The following GOPC variants were observed in gnomAD, a reference collection of about 807,000 sequenced individuals.
GOPC encodes golgi associated PDZ and coiled-coil motif containing, also known as Golgi-associated PDZ and coiled-coil motif-containing protein.
Under a neutral mutation model 51.2 loss-of-function variants are expected in GOPC, and 32 were observed. The ratio of observed to expected loss-of-function variants is 0.63; its 90% CI spans 0.47 to 0.84. The LOEUF (loss-of-function observed/expected upper bound fraction) is 0.84. Among genes scored for constraint, GOPC ranks in the 40% least tolerant of loss-of-function variants. The pLI is 0.00. For missense variants in GOPC, 441 were observed against 555.5 expected (o/e 0.79, Z 2.07); for synonymous variants, 190 against 205.1 (o/e 0.93, Z 0.63).
At chr6:117,581,784 G>C (rs1415741889) in intron 1 of GOPC, among the ~76,000 whole-genome samples, 1 of 152,044 alleles carries the variant, frequency 6.6e-6, no homozygotes, top group Admixed American at 6.6e-5. Flanking sequence ...ATGGGCATTT[G>C]TGTTGTTTTG....
In GOPC at chr6:117,569,653, A is replaced by G. The variant is rs1338756794; in HGVS notation, c.996T>C (p.Val332=). 3 of 1,612,770 alleles carry G rather than the reference A, an allele frequency of 1.9e-6. No individual in the cohort carries two copies. The highest frequency in any genetic ancestry group is 2.5e-6 in the Non-Finnish European group (3 of 1,179,624). The part of the protein sequence containing the change: ...QPADRCGGLH[V]GDAILAVNGV... The stretch of plus-strand genomic sequence containing the variant: ...CGTTGACTGCCAAAATAGCATCCCC[A>G]ACGTGCAGCCCTCCGCATCTATCAG... The change falls in exon 7 of 9, where the codon GTT becomes GTC. Residue 332 remains valine, a synonymous_variant. Coordinates refer to ENST00000368498, the MANE Select transcript of GOPC (RefSeq NM_020399.4).
intron 6 of GOPC, among the ~76,000 whole-genome samples, 184 bp downstream of exon 6, chr6:117,570,676 T>C (rs190440290): frequency 1.6e-4 from 24 of 152,122 alleles, no homozygotes; most frequent in Non-Finnish European, 2.1e-4. Context: ...CACTTAATAG[T>C]TGCTAGGAAT....
intron 1 of GOPC, among the ~76,000 whole-genome samples, chr6:117,581,173 C>A (rs1020612938): frequency 6.6e-6 from 1 of 152,018 alleles, no homozygotes; most frequent in South Asian, 2.1e-4. Flanking sequence ...ACTAGGAGCA[C>A]AGAGATGTGA....
rs1779573223 is a variant in GOPC at position 117,560,961 on chromosome 6, C to T, written c.*2293G>A. The stretch of plus-strand genomic sequence containing the variant: ...AAAATATTAAAATTGGTTCTCAGTC[C>T]TTTGGAACTAATAACTAATTCTTAG... On this transcript the variant is annotated 3_prime_UTR_variant, in exon 9 of 9. Coordinates refer to ENST00000368498, the MANE Select transcript of GOPC (RefSeq NM_020399.4). 1 of 212,286 alleles carries T rather than the reference C, an allele frequency of 4.7e-6. No homozygotes were observed. The allele number at this position is 212,286 out of a possible 1,614,324, so 13.2% of individuals were successfully genotyped here.
At chr6:117,590,107 A>G (rs538666590) in intron 1 of GOPC, among the ~76,000 whole-genome samples, 4 of 152,348 alleles carry the variant, frequency 2.6e-5, no homozygotes, top group Non-Finnish European at 5.9e-5. Context: ...TGAAGCTTAT[A>G]TTACAGAATG....
intron 1 of GOPC, among the ~76,000 whole-genome samples, chr6:117,588,457 G>A (rs1314324522): frequency 2.0e-5 from 3 of 151,910 alleles, no homozygotes; most frequent in African/African-American, 7.3e-5. Flanking sequence ...TGTATTTTTA[G>A]TAGAGATGGG....
At chr6:117,587,566 A>G (rs1269373354) in intron 1 of GOPC, among the ~76,000 whole-genome samples, 1 of 151,858 alleles carries the variant, frequency 6.6e-6, no homozygotes, top group Non-Finnish European at 1.5e-5. Flanking sequence ...GTATGAAAGA[A>G]ACTAAGAGAA....
chr6:117,581,207 G>C (rs1392855609), intron 1 of GOPC, among the ~76,000 whole-genome samples: 1 of 152,104 alleles, frequency 6.6e-6, no homozygotes, highest in African/African-American at 2.4e-5. Flanking sequence ...GAGTTACAGG[G>C]AGAACAGAGT....
At chr6:117,573,895 A>C (rs2114611067) in intron 4 of GOPC, among the ~76,000 whole-genome samples, 1 of 152,312 alleles carries the variant, frequency 6.6e-6, no homozygotes, top group African/African-American at 2.4e-5. Context: ...AATTCAAATA[A>C]ATCTAAAAAA....
intron 1 of GOPC, among the ~76,000 whole-genome samples, chr6:117,583,052 C>A (rs1779983109): frequency 6.6e-6 from 1 of 152,084 alleles, no homozygotes; most frequent in Non-Finnish European, 1.5e-5. Flanking sequence ...GCCACAGGGC[C>A]TGCATGGAGT....
At chr6:117,590,834 A>ATTTTG (rs56012071) in intron 1 of GOPC, among the ~76,000 whole-genome samples, 33,266 of 150,824 alleles carry the variant, frequency 0.22, 3,806 homozygotes, top group East Asian at 0.39. Flanking sequence ...TCAGTTCCAA[A>ATTTTG]TTTTGTTTTG....
chr6:117,570,277 A>G (rs1779783491), intron 6 of GOPC, among the ~76,000 whole-genome samples: 1 of 151,996 alleles, frequency 6.6e-6, no homozygotes, highest in Non-Finnish European at 1.5e-5. Flanking sequence ...AGATTAGATG[A>G]GCTTTTTATT....
intron 1 of GOPC, among the ~76,000 whole-genome samples, chr6:117,587,441 C>T (rs960815583): frequency 2.0e-5 from 3 of 151,856 alleles, no homozygotes; most frequent in Non-Finnish European, 4.4e-5. Flanking sequence ...GAGTTTGAGG[C>T]CAGTCTGGGC....
intron 1 of GOPC, among the ~76,000 whole-genome samples, chr6:117,585,756 T>G (rs575625003): frequency 6.6e-6 from 1 of 152,232 alleles, no homozygotes; most frequent in Non-Finnish European, 1.5e-5. Context: ...ACACACCCCA[T>G]ACCCATACAC....
chr6:117,578,797 C>A, intron 2 of GOPC, 103 bp downstream of exon 2: 1 of 647,038 alleles, frequency 1.5e-6, no homozygotes, highest in Middle Eastern at 3.4e-4. Context: ...CTAAATTTCC[C>A]ACAATAAGCA....
intron 8 of GOPC, among the ~76,000 whole-genome samples, chr6:117,566,463 ATACT>A (rs1479528966): frequency 1.3e-5 from 2 of 152,218 alleles, no homozygotes; most frequent in Non-Finnish European, 2.9e-5. Context: ...AGTATACTTC[ATACT>A]TATTCATAAT....
chr6:117,574,559 G>A (rs1014496902), intron 4 of GOPC, among the ~76,000 whole-genome samples: 4 of 152,022 alleles, frequency 2.6e-5, no homozygotes, highest in East Asian at 1.9e-4. Context: ...TGTGAATATC[G>A]GCTGTACTGG....
Position 117,602,480 on chromosome 6 carries a change from G to T in GOPC, c.-192C>A, listed in dbSNP as rs112972243. ...ACGAGGCTGAAGCTGAGGCGGCAAC[G>T]GCGGCGACACACGGAAGACTCAGTC... On this transcript the variant is annotated 5_prime_UTR_variant, in exon 1 of 9. Transcript: ENST00000368498. The T allele has an allele frequency of 8.6e-3, 5,217 of 605,378 alleles. 186 individuals carry two copies. Among genetic ancestry groups the T allele is most frequent in the African/African-American group, 0.085 (4,589 of 53,976 alleles). The allele number at this position is 605,378 out of a possible 1,614,324, so 37.5% of individuals were successfully genotyped here.
chr6:117,565,357 G>A (rs1779674980), intron 8 of GOPC, among the ~76,000 whole-genome samples: 1 of 152,152 alleles, frequency 6.6e-6, no homozygotes, highest in African/African-American at 2.4e-5. Flanking sequence ...AGCCTTTTCA[G>A]ATAACTGTCA....
Sources: allele counts gnomAD v4.1 joint callset (sites outside exome capture counted in the v4.1 genomes callset), GRCh38; gene constraint gnomAD v4.1.1; transcripts MANE v1.5; gene names NCBI Gene and HGNC (gene_info 2026-07-23, HGNC 2026-07-21).